The following FBXL17 variants were observed in gnomAD, a reference collection of about 807,000 sequenced individuals.
FBXL17 encodes the protein F-box/LRR-repeat protein 17.
Under a neutral mutation model 66.2 loss-of-function variants are expected in FBXL17, and 22 were observed. That is an observed-to-expected ratio of 0.33 (90% confidence interval 0.24 to 0.47). FBXL17 has a LOEUF of 0.47. Among genes scored for constraint, FBXL17 ranks in the 20% least tolerant of loss-of-function variants. The probability of loss-of-function intolerance (pLI) is 1.00; values close to 1 mark genes in which losing one functional copy is unlikely to be tolerated. For synonymous variants in FBXL17, 474 were observed against 400.5 expected, an observed-to-expected ratio of 1.18 and a Z score of -2.19; for missense variants, 878 against 948.2, an observed-to-expected ratio of 0.93 and a Z score of 0.97.
chr5:107,883,486 G>T (rs182595307), intron 7 of FBXL17, among the ~76,000 whole-genome samples: 170 of 152,142 alleles, frequency 1.1e-3, no homozygotes, highest in African/African-American at 3.9e-3. Context: ...TGGGTGCGAC[G>T]TGGGGTAGAA....
chr5:108,343,923 C>T (rs577001508), intron 4 of FBXL17, among the ~76,000 whole-genome samples: 156 of 152,264 alleles, frequency 1.0e-3, no homozygotes, highest in African/African-American at 3.6e-3. Flanking sequence ...TTTATTGAAG[C>T]TTTCTTGTGT....
At chr5:108,348,323 A>C in intron 4 of FBXL17, 76 bp downstream of exon 4, 1 of 1,357,798 alleles carries the variant, frequency 7.4e-7, no homozygotes. Context: ...TAAGCAGAAA[A>C]AATTATAAAT....
chr5:108,252,940 G>C (rs1238797664), intron 4 of FBXL17, among the ~76,000 whole-genome samples: 2 of 152,220 alleles, frequency 1.3e-5, no homozygotes. Flanking sequence ...AAAGGCTGAT[G>C]TGAAGATGTT....
intron 8 of FBXL17, among the ~76,000 whole-genome samples, chr5:107,876,041 T>C (rs1748605756): frequency 2.0e-5 from 3 of 152,366 alleles, no homozygotes; most frequent in South Asian, 4.1e-4. Context: ...AGGGTGGACC[T>C]TTCACAATCT....
At chr5:108,141,377 A>G (rs1391915390) in intron 6 of FBXL17, among the ~76,000 whole-genome samples, 3 of 151,664 alleles carry the variant, frequency 2.0e-5, no homozygotes, top group Admixed American at 6.6e-5. Flanking sequence ...AATGACTGCT[A>G]TTGACTACAG....
intron 4 of FBXL17, among the ~76,000 whole-genome samples, chr5:108,226,266 C>A (rs1580650451): frequency 6.6e-6 from 1 of 152,308 alleles, no homozygotes; most frequent in Admixed American, 6.5e-5. Flanking sequence ...CCCGGAAAAC[C>A]ACTTAGTTCC....
chr5:108,252,945 G>C (rs530047948), intron 4 of FBXL17, among the ~76,000 whole-genome samples: 2 of 152,294 alleles, frequency 1.3e-5, no homozygotes, highest in South Asian at 4.1e-4. Context: ...CTGATGTGAA[G>C]ATGTTCTGAG....
chr5:108,355,203 C>A (rs1747899334), intron 3 of FBXL17, among the ~76,000 whole-genome samples: 1 of 151,674 alleles, frequency 6.6e-6, no homozygotes. Flanking sequence ...TATACACACA[C>A]ATATATATGC....
chr5:107,921,236 C>T (rs1289647849), intron 7 of FBXL17, among the ~76,000 whole-genome samples: 1 of 152,180 alleles, frequency 6.6e-6, no homozygotes, highest in Admixed American at 6.5e-5. Context: ...TAATTATTTA[C>T]ACACTAGCAG....
chr5:108,206,193 T>C (rs1310641128), intron 5 of FBXL17, among the ~76,000 whole-genome samples: 1 of 152,202 alleles, frequency 6.6e-6, no homozygotes, highest in Non-Finnish European at 1.5e-5. Flanking sequence ...TTTTCATTTG[T>C]CACTAGAATC....
intron 4 of FBXL17, among the ~76,000 whole-genome samples, chr5:108,300,243 G>A (rs1043343144): frequency 3.3e-5 from 5 of 151,660 alleles, no homozygotes; most frequent in Admixed American, 1.3e-4. Flanking sequence ...ATATAGCATC[G>A]AGGAAAAAAA....
chr5:108,063,394 T>C (rs1747999462), intron 6 of FBXL17, among the ~76,000 whole-genome samples: 1 of 152,224 alleles, frequency 6.6e-6, no homozygotes, highest in Non-Finnish European at 1.5e-5. Context: ...TCATATTAGT[T>C]ACAGGAAAGT....
At chr5:108,106,080 G>A (rs1193317815) in intron 6 of FBXL17, among the ~76,000 whole-genome samples, 1 of 152,140 alleles carries the variant, frequency 6.6e-6, no homozygotes, top group African/African-American at 2.4e-5. Flanking sequence ...AGCAGTAAGT[G>A]CTAAACTGGG....
At chr5:107,932,525 A>G (rs776126303) in intron 7 of FBXL17, among the ~76,000 whole-genome samples, 1 of 152,190 alleles carries the variant, frequency 6.6e-6, no homozygotes, top group Non-Finnish European at 1.5e-5. Flanking sequence ...AGTGCTGACC[A>G]TTGTCCACTG....
intron 6 of FBXL17, among the ~76,000 whole-genome samples, chr5:108,030,485 T>C (rs888617708): frequency 6.6e-6 from 1 of 152,086 alleles, no homozygotes; most frequent in Non-Finnish European, 1.5e-5. Flanking sequence ...ACAACCAACA[T>C]TCCCAATCCA....
At chr5:108,033,699 T>C (rs1561377594) in intron 6 of FBXL17, among the ~76,000 whole-genome samples, 1 of 152,186 alleles carries the variant, frequency 6.6e-6, no homozygotes, top group Non-Finnish European at 1.5e-5. Flanking sequence ...CTTCCAAAGC[T>C]GTTATACCAT....
intron 7 of FBXL17, among the ~76,000 whole-genome samples, chr5:107,986,937 T>C (rs1041378745): frequency 7.9e-5 from 12 of 152,070 alleles, no homozygotes; most frequent in Non-Finnish European, 1.6e-4. Context: ...ACTTTTTTTT[T>C]CTAATTTTAA....
intron 5 of FBXL17, among the ~76,000 whole-genome samples, chr5:108,214,480 G>C (rs967258161): frequency 2.0e-5 from 3 of 150,546 alleles, no homozygotes; most frequent in African/African-American, 7.3e-5. Context: ...AGATTCTCCT[G>C]CCTCAGCCTC....
intron 6 of FBXL17, among the ~76,000 whole-genome samples, chr5:108,073,945 C>T (rs1748442458): frequency 6.6e-6 from 1 of 152,280 alleles, no homozygotes; most frequent in Non-Finnish European, 1.5e-5. Context: ...TTATATATTA[C>T]CCAGTCTCAG....
Sources: allele counts gnomAD v4.1 joint callset (sites outside exome capture counted in the v4.1 genomes callset), GRCh38; gene constraint gnomAD v4.1.1; transcripts MANE v1.5; gene names NCBI Gene and HGNC (gene_info 2026-07-23, HGNC 2026-07-21).